The following MAP2K5 variants were observed in gnomAD, a reference collection of about 807,000 sequenced individuals.
MAP2K5 encodes mitogen-activated protein kinase kinase 5.
A neutral mutation model predicts 83.1 loss-of-function variants in MAP2K5; 49 were observed. The observed-to-expected ratio is 0.59, with a 90% CI of 0.47 to 0.75. The LOEUF (loss-of-function observed/expected upper bound fraction) is 0.75, where lower values mean the gene tolerates loss of function less well. Ranked by LOEUF, MAP2K5 falls within the 30% of genes least tolerant of loss-of-function variation. The pLI is 0.00. For missense variants in MAP2K5, 457 were observed against 557.5 expected, an observed-to-expected ratio of 0.82 and a Z score of 1.82; for synonymous variants, 202 against 191.8, an observed-to-expected ratio of 1.05 and a Z score of -0.44.
At chr15:67,557,548 G>A (rs910187387) in intron 2 of MAP2K5, among the ~76,000 whole-genome samples, 5 of 152,112 alleles carry the variant, frequency 3.3e-5, no homozygotes, top group Non-Finnish European at 5.9e-5. Context: ...ATTTTCAGCT[G>A]TTTTATGAAC....
intron 4 of MAP2K5, 115 bp from the exon 5 acceptor site, chr15:67,585,775 A>T: frequency 3.5e-6 from 3 of 855,932 alleles, no homozygotes; most frequent in Non-Finnish European, 5.9e-6. Flanking sequence ...CCACTTTTCA[A>T]TCATTTCTCT....
At chr15:67,623,732 G>A (rs2086242785) in intron 8 of MAP2K5, among the ~76,000 whole-genome samples, 1 of 151,640 alleles carries the variant, frequency 6.6e-6, no homozygotes, top group African/African-American at 2.4e-5. Flanking sequence ...TGAGTAGCTG[G>A]GATTACAGGC....
In MAP2K5 at chr15:67,677,809, C is replaced by T. The variant is rs2087716254; in HGVS notation, c.847+13164C>T. On this transcript the variant is annotated intron_variant, in intron 13 of 21. Transcript: ENST00000178640. This position sits in a 1 kb window ranked among gnomAD's most constrained non-coding sequence, Gnocchi z 4.2. ...GAGAGGGAGAATTGAGAAGCTCAGG[C>T]CTTTTTGCCCTTGTTATTAATCTTG... 6.6e-6 allele frequency among the ~76,000 whole-genome samples: 1 copy of T among 152,190 alleles called. No individual in the cohort carries two copies. Among genetic ancestry groups the T allele is most frequent in the Non-Finnish European group, 1.5e-5 (1 of 68,042 alleles).
chr15:67,656,471 A>G (rs893653196), intron 11 of MAP2K5, among the ~76,000 whole-genome samples: 6 of 151,768 alleles, frequency 4.0e-5, no homozygotes, highest in African/African-American at 1.5e-4. Flanking sequence ...ACTACAGAGT[A>G]GTGTACACCA....
In MAP2K5 at chr15:67,737,571, AGT is replaced by A. The variant is rs559086075; in HGVS notation, c.1074+9627_1074+9628del. ...GCTAAGTTCATTGAAAAAATCAATGAGTTGCCTAAAAGGAGCAAAGAGCTGAT... is the reference window on the plus strand; with the variant it reads ...GCTAAGTTCATTGAAAAAATCAATGATGCCTAAAAGGAGCAAAGAGCTGAT... On this transcript the variant is annotated intron_variant, in intron 17 of 21. Transcript: ENST00000178640. 4.5e-3 allele frequency among the ~76,000 whole-genome samples: 680 copies of A among 152,252 alleles called. 7 individuals are homozygous for A. Among genetic ancestry groups the A allele is most frequent in the African/African-American group, 0.015 (642 of 41,546 alleles).
At chr15:67,733,224 T>C (rs2089263099) in intron 17 of MAP2K5, among the ~76,000 whole-genome samples, 1 of 152,232 alleles carries the variant, frequency 6.6e-6, no homozygotes, top group African/African-American at 2.4e-5. Flanking sequence ...CTGATGTTTA[T>C]ACAACCGCCA....
At chr15:67,692,590 C>T in intron 14 of MAP2K5, 38 bp downstream of exon 14, 1 of 1,462,058 alleles carries the variant, frequency 6.8e-7, no homozygotes, top group Non-Finnish European at 9.6e-7. Context: ...GTTTTCTCTG[C>T]AACAACCCCT....
intron 15 of MAP2K5, among the ~76,000 whole-genome samples, chr15:67,694,012 G>A (rs773836709): frequency 5.3e-5 from 8 of 151,692 alleles, no homozygotes; most frequent in Non-Finnish European, 1.0e-4. Flanking sequence ...ATCTCTGAAT[G>A]TAAAGGTTTA....
intron 15 of MAP2K5, among the ~76,000 whole-genome samples, chr15:67,700,216 A>T (rs2088381076): frequency 6.6e-6 from 1 of 152,236 alleles, no homozygotes; most frequent in East Asian, 1.9e-4. Flanking sequence ...CACAGAGGGC[A>T]TCTGGAGGGA....
chr15:67,569,164 G>A (rs968829466), intron 3 of MAP2K5, among the ~76,000 whole-genome samples: 2 of 152,178 alleles, frequency 1.3e-5, no homozygotes, highest in African/African-American at 4.8e-5. Flanking sequence ...TAGCTATTAG[G>A]AAGTTTTCTT....
chr15:67,730,142 GT>G (rs2089188110), intron 17 of MAP2K5, among the ~76,000 whole-genome samples: 1 of 152,164 alleles, frequency 6.6e-6, no homozygotes, highest in South Asian at 2.1e-4. Flanking sequence ...TTTTGGTGGA[GT>G]TGGCATTTAT....
chr15:67,560,438 C>A (rs1313110713), intron 2 of MAP2K5, among the ~76,000 whole-genome samples: 1 of 152,206 alleles, frequency 6.6e-6, no homozygotes, highest in Admixed American at 6.5e-5. Context: ...AAACCAATAC[C>A]TATATAAAGC....
intron 13 of MAP2K5, among the ~76,000 whole-genome samples, chr15:67,670,885 T>C (rs1405084427): frequency 6.6e-6 from 1 of 152,230 alleles, no homozygotes; most frequent in Non-Finnish European, 1.5e-5. Context: ...GACAGTTCTT[T>C]CTGTAGTTAA....
intron 11 of MAP2K5, among the ~76,000 whole-genome samples, chr15:67,647,547 G>T (rs754460218): frequency 1.3e-5 from 2 of 151,910 alleles, no homozygotes; most frequent in Non-Finnish European, 2.9e-5. Flanking sequence ...AGGAGTTTGA[G>T]ACCAGCATAA....
At chr15:67,553,785 C>T (rs1039794022) in intron 2 of MAP2K5, among the ~76,000 whole-genome samples, 3 of 150,934 alleles carry the variant, frequency 2.0e-5, no homozygotes, top group Admixed American at 6.6e-5. Context: ...CGGTGGCGGG[C>T]GCCTGTAGTC....
rs987589926 is a variant in MAP2K5 at position 67,637,659 on chromosome 15, C to G, written c.585+6732C>G. On this transcript the variant is annotated intron_variant, in intron 9 of 21. Coordinates refer to ENST00000178640, the MANE Select transcript of MAP2K5 (RefSeq NM_145160.3). This position sits in a 1 kb window ranked among gnomAD's most constrained non-coding sequence, Gnocchi z 4.5. Reference sequence around the variant, plus strand: ...ACCCCCTCGGCAGACCTCTGGAGCTCTCTCCCTCAGGTCCTCTGCCAGCTC... The same window carrying G: ...ACCCCCTCGGCAGACCTCTGGAGCTGTCTCCCTCAGGTCCTCTGCCAGCTC... Among the ~76,000 whole-genome samples the G allele has an allele frequency of 6.6e-6, 1 of 152,166 alleles. No homozygotes were observed. The highest frequency in any genetic ancestry group is 2.4e-5 in the African/African-American group (1 of 41,424).
At chr15:67,558,960 A>C (rs758787694) in intron 2 of MAP2K5, among the ~76,000 whole-genome samples, 1 of 152,240 alleles carries the variant, frequency 6.6e-6, no homozygotes, top group Non-Finnish European at 1.5e-5. Flanking sequence ...AAAGCAAAGA[A>C]GTAAGGAAGG....
Position 67,698,270 on chromosome 15 carries a change from C to G in MAP2K5, c.972+4702C>G, listed in dbSNP as rs1254789950. Among the ~76,000 whole-genome samples the G allele has an allele frequency of 2.0e-5, 3 of 152,100 alleles. No individual in the cohort carries two copies. The highest frequency in any genetic ancestry group is 4.4e-5 in the Non-Finnish European group (3 of 68,032). ...AGTGGCGATTGCAGCTCACCGCAACCTCTGTCCCCTGGGTTCAAGCGATTC... is the reference window on the plus strand; with the variant it reads ...AGTGGCGATTGCAGCTCACCGCAACGTCTGTCCCCTGGGTTCAAGCGATTC... On this transcript the variant is annotated intron_variant, in intron 15 of 21. Transcript: ENST00000178640. The surrounding 1 kb of genome is among the most constrained non-coding windows in gnomAD (Gnocchi z 4.5).
In MAP2K5 at chr15:67,763,704, T is replaced by G. The variant is rs143872386; in HGVS notation, c.1135-5898T>G. 2.8e-3 allele frequency among the ~76,000 whole-genome samples: 425 copies of G among 152,202 alleles called. 2 individuals carry two copies. The highest frequency in any genetic ancestry group is 9.9e-3 in the African/African-American group (413 of 41,514). ...CCCAAGCAAGTACAGATTTGCCCTA[T>G]GGGTTCTGCCAGTTGTGTCATAAAG... On this transcript the variant is annotated intron_variant, in intron 19 of 21. Coordinates refer to ENST00000178640, the MANE Select transcript of MAP2K5 (RefSeq NM_145160.3).
Sources: allele counts gnomAD v4.1 joint callset (sites outside exome capture counted in the v4.1 genomes callset), GRCh38; gene constraint gnomAD v4.1.1; non-coding constraint Gnocchi (gnomAD v3.1); transcripts MANE v1.5; gene names NCBI Gene and HGNC (gene_info 2026-07-23, HGNC 2026-07-21).